Variants in RUNX2 observed in about 807,000 individuals in gnomAD.
RUNX2 encodes the protein runt-related transcription factor 2.
RUNX2 carries 10 observed loss-of-function variants against 51.7 expected under a neutral mutation model. That is an observed-to-expected ratio of 0.19 (90% CI 0.12 to 0.33). The LOEUF (loss-of-function observed/expected upper bound fraction) is 0.33. Among genes scored for constraint, RUNX2 ranks in the 10% least tolerant of loss-of-function variants. RUNX2 has a pLI of 1.00. For synonymous variants in RUNX2, 276 were observed against 273.6 expected (o/e 1.01, Z -0.09); for missense variants, 562 against 691.3 (o/e 0.81, Z 2.10).
intron 2 of RUNX2, among the ~76,000 whole-genome samples, chr6:45,355,448 G>A (rs1017027237): frequency 6.6e-6 from 1 of 151,782 alleles, no homozygotes; most frequent in African/African-American, 2.4e-5. Flanking sequence ...AAATTTCCAG[G>A]GTTTTTCATT....
chr6:45,328,833 A>T, intron 2 of RUNX2, 49 bp downstream of exon 2: 1 of 1,569,002 alleles, frequency 6.4e-7, no homozygotes, highest in Non-Finnish European at 8.8e-7. Context: ...CCTGTTAAAC[A>T]TAAAGGTATG....
chr6:45,481,029 G>A (rs1800097838), intron 5 of RUNX2, among the ~76,000 whole-genome samples: 1 of 152,176 alleles, frequency 6.6e-6, no homozygotes, highest in African/African-American at 2.4e-5. Context: ...GTCAAGAGAG[G>A]AGCCCTTTGC....
intron 5 of RUNX2, among the ~76,000 whole-genome samples, chr6:45,445,100 C>T (rs1183388910): frequency 6.6e-6 from 1 of 152,166 alleles, no homozygotes; most frequent in South Asian, 2.1e-4. Context: ...TCTCGGCTCA[C>T]TGCAACCTCC....
rs75021052 is a variant in RUNX2 at position 45,439,461 on chromosome 6, C to A, written c.685+1410C>A. 2.4e-3 allele frequency among the ~76,000 whole-genome samples: 364 copies of A among 152,246 alleles called. 3 individuals carry two copies. The highest frequency in any genetic ancestry group is 8.3e-3 in the African/African-American group (343 of 41,540). On this transcript the variant is annotated intron_variant, in intron 5 of 8. Transcript: ENST00000647337. ...GGATAGCCATAAGTTGGGGATGATGCCTTATGATGGAAGATGTCTTCTAAC... is the reference window on the plus strand; with the variant it reads ...GGATAGCCATAAGTTGGGGATGATGACTTATGATGGAAGATGTCTTCTAAC...
chr6:45,461,932 T>A (rs189446087), intron 5 of RUNX2, among the ~76,000 whole-genome samples: 2 of 152,288 alleles, frequency 1.3e-5, no homozygotes, highest in Admixed American at 6.5e-5. Context: ...TTTAAAAATG[T>A]TCCCAGGGCA....
At chr6:45,508,618 C>T (rs1801052221) in intron 6 of RUNX2, among the ~76,000 whole-genome samples, 1 of 152,140 alleles carries the variant, frequency 6.6e-6, no homozygotes, top group Non-Finnish European at 1.5e-5. Flanking sequence ...TGACTCTAGC[C>T]TATCCTCTGA....
At chr6:45,507,144 T>C (rs1358464935) in intron 6 of RUNX2, among the ~76,000 whole-genome samples, 1 of 152,078 alleles carries the variant, frequency 6.6e-6, no homozygotes, top group Non-Finnish European at 1.5e-5. Flanking sequence ...GCTGGAGTGT[T>C]AGGACATGGT....
intron 2 of RUNX2, among the ~76,000 whole-genome samples, chr6:45,337,376 G>GA (rs997518899): frequency 1.9e-4 from 28 of 150,456 alleles, no homozygotes; most frequent in Non-Finnish European, 4.5e-5. Context: ...AGCATTCGAA[G>GA]AAAAAAAAGC....
At chr6:45,419,951 T>C (rs1170739050) in intron 2 of RUNX2, among the ~76,000 whole-genome samples, 1 of 149,412 alleles carries the variant, frequency 6.7e-6, no homozygotes, top group East Asian at 2.0e-4. Context: ...CTAGTGTCTG[T>C]GGAGGGATTT....
chr6:45,492,148 C>T (rs141105331), intron 6 of RUNX2, 34 bp downstream of exon 6: 33 of 1,609,224 alleles, frequency 2.1e-5, no homozygotes, highest in South Asian at 4.4e-5. Flanking sequence ...CTTGCATAGA[C>T]GCTGGCAGGC....
chr6:45,429,497 G>C (rs892794846), intron 3 of RUNX2, among the ~76,000 whole-genome samples: 4 of 152,124 alleles, frequency 2.6e-5, no homozygotes, highest in African/African-American at 9.7e-5. Flanking sequence ...TTCAGTAGCC[G>C]CTTGAGATAT....
intron 6 of RUNX2, among the ~76,000 whole-genome samples, chr6:45,496,559 A>G (rs1357321819): frequency 6.6e-6 from 1 of 152,212 alleles, no homozygotes; most frequent in Non-Finnish European, 1.5e-5. Flanking sequence ...AAGTTGAGAA[A>G]AGGTCCTTTG....
chr6:45,538,256 A>G (rs914621974), intron 7 of RUNX2, among the ~76,000 whole-genome samples: 3 of 152,184 alleles, frequency 2.0e-5, no homozygotes, highest in African/African-American at 4.8e-5. Context: ...ACAATTTATC[A>G]TTTAGTTTGC....
chr6:45,512,197 AGGCTGCAATGGTTGCTATACT>A (rs1302526861), intron 6 of RUNX2, 28 bp from the exon 7 acceptor site: 21 of 1,597,026 alleles, frequency 1.3e-5, no homozygotes, highest in Non-Finnish European at 1.8e-5. Context: ...CATGTTTCTA[AGGCTGCAATGGTTGCTATACT>A]AAAGATTTTT....
intron 5 of RUNX2, among the ~76,000 whole-genome samples, chr6:45,482,535 A>G (rs1231187901): frequency 6.6e-6 from 1 of 152,246 alleles, no homozygotes; most frequent in Non-Finnish European, 1.5e-5. Flanking sequence ...AATCCTTAGA[A>G]GCCTAAATTT....
intron 5 of RUNX2, among the ~76,000 whole-genome samples, chr6:45,477,201 G>A (rs908458179): frequency 6.6e-6 from 1 of 152,098 alleles, no homozygotes; most frequent in Non-Finnish European, 1.5e-5. Flanking sequence ...CACTTTTTGT[G>A]TTCCTCTTCC....
At chr6:45,530,451 G>C (rs1399131565) in intron 7 of RUNX2, among the ~76,000 whole-genome samples, 2 of 152,212 alleles carry the variant, frequency 1.3e-5, no homozygotes, top group Admixed American at 6.5e-5. Context: ...AGAACAAAGA[G>C]ATTGGTACAA....
chr6:45,402,920 ATT>A (rs1797746618), intron 2 of RUNX2, among the ~76,000 whole-genome samples: 1 of 152,166 alleles, frequency 6.6e-6, no homozygotes, highest in Admixed American at 6.5e-5. Context: ...TGAAATATCT[ATT>A]TAATAGTCCC....
At chr6:45,510,233 G>C (rs948334296) in intron 6 of RUNX2, among the ~76,000 whole-genome samples, 9 of 152,196 alleles carry the variant, frequency 5.9e-5, no homozygotes, top group Non-Finnish European at 1.0e-4. Flanking sequence ...TTACTTTAAT[G>C]ATCAATTATC....
Sources: allele counts gnomAD v4.1 joint callset (sites outside exome capture counted in the v4.1 genomes callset), GRCh38; gene constraint gnomAD v4.1.1; transcripts MANE v1.5; gene names NCBI Gene and HGNC (gene_info 2026-07-23, HGNC 2026-07-21).